IL1R1: variants seen among roughly 807,000 people sequenced by gnomAD.
IL1R1 encodes interleukin-1 receptor type 1.
In IL1R1, 22 loss-of-function variants were observed where a neutral mutation model predicts 50.2. The ratio of observed to expected loss-of-function variants is 0.44; its 90% CI spans 0.31 to 0.63. IL1R1 has a LOEUF of 0.63. IL1R1 is among the 20% of genes least tolerant of loss of function. The pLI is 0.07. For synonymous variants in IL1R1, 251 were observed against 236.7 expected (o/e 1.06, Z -0.55); for missense variants, 509 against 676.2 (o/e 0.75, Z 2.74).
chr2:102,110,107 G>T (rs894027098), intron 1 of IL1R1, among the ~76,000 whole-genome samples: 1 of 152,042 alleles, frequency 6.6e-6, no homozygotes, highest in East Asian at 1.9e-4. Flanking sequence ...TTCTGCAGAC[G>T]CTTCTTTCCC....
At chr2:102,115,955 G>T (rs1204690615) in intron 1 of IL1R1, among the ~76,000 whole-genome samples, 3 of 152,172 alleles carry the variant, frequency 2.0e-5, no homozygotes, top group African/African-American at 7.2e-5. Context: ...AGCCTTGCAT[G>T]GCAGGTTTTG....
At chr2:102,110,921 C>T (rs998885069) in intron 1 of IL1R1, among the ~76,000 whole-genome samples, 3 of 152,042 alleles carry the variant, frequency 2.0e-5, no homozygotes, top group Non-Finnish European at 4.4e-5. Context: ...GAGCCACGGT[C>T]CGTGTTAGCC....
Position 102,120,545 on chromosome 2 carries a change from G to A in IL1R1, c.-84+15673G>A, listed in dbSNP as rs551996228. The stretch of plus-strand genomic sequence containing the variant: ...TGAATTGTCAATTCCTTAGGCACAG[G>A]GTCTGCGTTGTGTTCATTTTTCTGT... On this transcript the variant is annotated intron_variant, in intron 1 of 10. Coordinates refer to the IL1R1 transcript ENST00000409329. Among the ~76,000 whole-genome samples the A allele has an allele frequency of 9.2e-5, 14 of 152,260 alleles. No homozygotes were observed. The East Asian group carries it at 2.1e-3, about 23-fold the overall frequency.
At chr2:102,094,077 G>C (rs1448656498) in intron 1 of IL1R1, among the ~76,000 whole-genome samples, 1 of 152,164 alleles carries the variant, frequency 6.6e-6, no homozygotes, top group Non-Finnish European at 1.5e-5. Context: ...TGGAATAGAA[G>C]TGACTACAAA....
At chr2:102,168,784 G>A in intron 7 of IL1R1, 121 bp downstream of exon 7, 3 of 688,226 alleles carry the variant, frequency 4.4e-6, no homozygotes, top group Non-Finnish European at 7.3e-6. Flanking sequence ...ATCTATCAAT[G>A]GAGGGAAAGT....
chr2:102,141,795 A>G (rs1682662806), upstream of IL1R1: 1 of 152,008 alleles, frequency 6.6e-6, no homozygotes, highest in African/African-American at 2.4e-5. Flanking sequence ...GCCCATGAAG[A>G]CCTCCAAACA....
rs895664285 is a variant in IL1R1, at chr2:102,111,277, A to G, written c.-84+6405A>G. On this transcript the variant is annotated intron_variant, in intron 1 of 10. Transcript: ENST00000409329. ...AATAACACCAGGGAGGCATGGTTCT[A>G]TACACAAGCACCTGTCAGACTGTGT... Among the ~76,000 whole-genome samples, 8 of 152,162 alleles carry G rather than the reference A, an allele frequency of 5.3e-5. No individual in the cohort carries two copies. In the East Asian group the frequency reaches 1.5e-3, roughly 29 times the overall value.
chr2:102,072,374 T>C lies in IL1R1; in HGVS notation c.-84+1841T>C, dbSNP rs571428977. On this transcript the variant is annotated intron_variant, in intron 1 of 11. Transcript: ENST00000409929. ...TAATATTGCTAAGCCAAATAGAATATAGGTTTTAAAAGTTTGGCGCTTTAT... is the reference window on the plus strand; with the variant it reads ...TAATATTGCTAAGCCAAATAGAATACAGGTTTTAAAAGTTTGGCGCTTTAT... Among the ~76,000 whole-genome samples, 283 of 152,270 alleles carry C rather than the reference T, an allele frequency of 1.9e-3. 1 individual carries two copies. The highest frequency in any genetic ancestry group is 6.7e-3 in the African/African-American group (277 of 41,566).
chr2:102,094,208 G>A lies in IL1R1; in HGVS notation c.-84+23675G>A, dbSNP rs1212725173. ...TCTTTGACTAAGTCTTCTAAAGAAA[G>A]AATAAAATGCTGGTGAAAACGTGAA... On this transcript the variant is annotated intron_variant, in intron 1 of 11. Transcript: ENST00000409929. 3.3e-5 allele frequency among the ~76,000 whole-genome samples: 5 copies of A among 152,304 alleles called. No homozygotes were observed. The East Asian group carries it at 9.6e-4, about 29-fold the overall frequency.
intron 1 of IL1R1, among the ~76,000 whole-genome samples, chr2:102,148,354 C>T (rs1462874155): frequency 6.6e-6 from 1 of 152,128 alleles, no homozygotes; most frequent in Non-Finnish European, 1.5e-5. Flanking sequence ...GTGTGTGGGG[C>T]TCTGATGCTT....
At chr2:102,084,044 C>A (rs1054752628) in intron 1 of IL1R1, among the ~76,000 whole-genome samples, 2 of 152,036 alleles carry the variant, frequency 1.3e-5, no homozygotes, top group Non-Finnish European at 2.9e-5. Flanking sequence ...GGCCTCATAG[C>A]GACTCTGAAT....
At chr2:102,096,241 G>A (rs1348733735) in intron 1 of IL1R1, among the ~76,000 whole-genome samples, 2 of 152,046 alleles carry the variant, frequency 1.3e-5, no homozygotes, top group South Asian at 2.1e-4. Context: ...TCCTCTACTC[G>A]CCTCATAGGG....
At chr2:102,146,328 A>G (rs1388997870) in intron 1 of IL1R1, among the ~76,000 whole-genome samples, 1 of 152,220 alleles carries the variant, frequency 6.6e-6, no homozygotes, top group Non-Finnish European at 1.5e-5. Context: ...CCCCTTTTAT[A>G]ATTTTGAAAC....
chr2:102,086,957 T>C (rs1679457516), intron 1 of IL1R1, among the ~76,000 whole-genome samples: 1 of 152,154 alleles, frequency 6.6e-6, no homozygotes, highest in Non-Finnish European at 1.5e-5. Context: ...AAATATATTA[T>C]AGGTGTATCT....
At chr2:102,157,530 T>A (rs1684305433) in intron 2 of IL1R1, among the ~76,000 whole-genome samples, 189 bp from the exon 3 acceptor site, 1 of 152,222 alleles carries the variant, frequency 6.6e-6, no homozygotes, top group African/African-American at 2.4e-5. Flanking sequence ...TATCCCTTTT[T>A]GTTCCCCACC....
chr2:102,100,332 TG>T (rs1376981715), upstream of IL1R1, among the ~76,000 whole-genome samples: 2 of 152,282 alleles, frequency 1.3e-5, no homozygotes, highest in African/African-American at 4.8e-5. Context: ...GCCTCTTTTC[TG>T]GGAGGAGAGG....
intron 1 of IL1R1, among the ~76,000 whole-genome samples, chr2:102,127,114 T>C (rs1171386997): frequency 6.6e-6 from 1 of 152,220 alleles, no homozygotes; most frequent in East Asian, 1.9e-4. Flanking sequence ...CAGTGTCATG[T>C]TCAGGCCCCC....
upstream of IL1R1, among the ~76,000 whole-genome samples, chr2:102,138,604 G>A (rs931179951): frequency 1.3e-5 from 2 of 152,152 alleles, no homozygotes; most frequent in African/African-American, 4.8e-5. Context: ...CTAGGGAAAG[G>A]GAGAGTGTTG....
intron 1 of IL1R1, among the ~76,000 whole-genome samples, chr2:102,096,208 A>G (rs1263034058): frequency 6.6e-5 from 10 of 152,168 alleles, no homozygotes; most frequent in Non-Finnish European, 1.3e-4. Flanking sequence ...TTTTGCTATT[A>G]TGAAAAATGT....
Sources: allele counts gnomAD v4.1 joint callset (sites outside exome capture counted in the v4.1 genomes callset), GRCh38; gene constraint gnomAD v4.1.1; transcripts MANE v1.5; gene names NCBI Gene and HGNC (gene_info 2026-07-23, HGNC 2026-07-21).